Variants in XXYLT1 observed in about 807,000 individuals in gnomAD.
XXYLT1 encodes UDP-xylose:alpha-xyloside alpha-1,3-xylosyltransferase.
In XXYLT1, 20 loss-of-function variants were observed where a neutral mutation model predicts 28.9. The ratio of observed to expected loss-of-function variants is 0.69; its 90% CI spans 0.49 to 1.00. The LOEUF is 1.00. XXYLT1 is among the 50% of genes least tolerant of loss of function. The pLI is 0.00. For synonymous variants in XXYLT1, 257 were observed against 253.8 expected, an observed-to-expected ratio of 1.01 and a Z score of -0.12; for missense variants, 542 against 560.1, an observed-to-expected ratio of 0.97 and a Z score of 0.33.
intron 3 of XXYLT1, among the ~76,000 whole-genome samples, chr3:195,120,742 G>C (rs6767318): frequency 1.3e-5 from 2 of 152,200 alleles, no homozygotes; most frequent in South Asian, 4.1e-4. Context: ...CCGTGGCTCC[G>C]TCACTGAGCA....
rs1003033776 is a variant in XXYLT1 at position 195,124,096 on chromosome 3, T to G, written c.785+32353A>C. 4.6e-5 allele frequency among the ~76,000 whole-genome samples: 7 copies of G among 152,234 alleles called. No homozygotes were observed. The highest frequency in any genetic ancestry group is 1.7e-4 in the African/African-American group (7 of 41,450). ...AATGTACGTATTTCTCAAACTTACT[T>G]GATCATTACACCCTTTTCTTCCAGG... is the stretch of plus-strand genomic sequence containing the variant. On this transcript the variant is annotated intron_variant, in intron 3 of 3. Coordinates refer to ENST00000310380, the MANE Select transcript of XXYLT1 (RefSeq NM_152531.5). This position sits in a 1 kb window ranked among gnomAD's most constrained non-coding sequence, Gnocchi z 4.1.
At chr3:195,082,130 C>T (rs531049388) in intron 3 of XXYLT1, among the ~76,000 whole-genome samples, 2 of 152,218 alleles carry the variant, frequency 1.3e-5, no homozygotes, top group African/African-American at 4.8e-5. Flanking sequence ...CAAAGCCTCA[C>T]GATGGATCCA....
At position 195,209,374 on chromosome 3, in the gene XXYLT1, C is replaced by A. The variant is rs1723210244; in HGVS notation, c.652+17335G>T. 6.6e-6 allele frequency: 1 copy of A among 152,358 alleles called. No homozygotes were observed. 9.4% of individuals were successfully genotyped at this position (152,358 alleles called of 1,614,324 possible). On this transcript the variant is annotated intron_variant, in intron 2 of 3. Coordinates refer to ENST00000310380, the MANE Select transcript of XXYLT1 (RefSeq NM_152531.5). This position sits in a 1 kb window ranked among gnomAD's most constrained non-coding sequence, Gnocchi z 5.0. ...CTCCGCTGCTGCGTGCTCCTGTCCA[C>A]ACAGGGTGGGAATCCTCCTCACCCC...
chr3:195,220,370 C>G (rs1484881960), intron 2 of XXYLT1, among the ~76,000 whole-genome samples: 2 of 152,188 alleles, frequency 1.3e-5, no homozygotes, highest in African/African-American at 2.4e-5. Flanking sequence ...TATCGAACTC[C>G]TGACCTCAGA....
At chr3:195,268,287 C>T (rs764566227) in intron 1 of XXYLT1, among the ~76,000 whole-genome samples, 2 of 151,942 alleles carry the variant, frequency 1.3e-5, no homozygotes, top group African/African-American at 2.4e-5. Context: ...AAAAATTAGC[C>T]GGGCGTGGTG....
At chr3:195,260,355 G>A (rs894704161) in intron 1 of XXYLT1, among the ~76,000 whole-genome samples, 3 of 152,068 alleles carry the variant, frequency 2.0e-5, no homozygotes, top group Non-Finnish European at 4.4e-5. Context: ...CGTGCTGACC[G>A]CAGCCGCGGA....
intron 3 of XXYLT1, among the ~76,000 whole-genome samples, chr3:195,088,097 G>C (rs113441202): frequency 8.6e-5 from 13 of 151,968 alleles, no homozygotes; most frequent in African/African-American, 2.7e-4. Context: ...AGGTGGCAGC[G>C]AGGCTGGGGG....
At chr3:195,184,500 T>C (rs1368944027) in intron 2 of XXYLT1, 1 of 553,466 alleles carries the variant, frequency 1.8e-6, no homozygotes, top group Non-Finnish European at 2.3e-6. Flanking sequence ...CCAACTCACC[T>C]TGTTGGCTGA....
intron 1 of XXYLT1, among the ~76,000 whole-genome samples, chr3:195,266,785 C>T (rs1171486021): frequency 6.6e-6 from 1 of 152,166 alleles, no homozygotes; most frequent in Non-Finnish European, 1.5e-5. Flanking sequence ...TTCCAGGCCC[C>T]ACCCAGGAGA....
At position 195,256,631 on chromosome 3, in the gene XXYLT1, G is replaced by A. The variant is rs149239549; in HGVS notation, c.504+13924C>T. 1 of 942,214 alleles carries A rather than the reference G, an allele frequency of 1.1e-6. No individual in the cohort carries two copies. The highest frequency in any genetic ancestry group is 1.3e-6 in the Non-Finnish European group (1 of 790,496). 58.4% of individuals were successfully genotyped at this position (942,214 alleles called of 1,614,324 possible). ...ATGAGCTCTGTAAGCCCCCAGCACTGTTTATACACGCCTGGAAGAGAACAG... is the reference window on the plus strand; with the variant it reads ...ATGAGCTCTGTAAGCCCCCAGCACTATTTATACACGCCTGGAAGAGAACAG... On this transcript the variant is annotated intron_variant, in intron 1 of 3. Coordinates refer to ENST00000310380, the MANE Select transcript of XXYLT1 (RefSeq NM_152531.5). The surrounding 1 kb of genome is among the most constrained non-coding windows in gnomAD (Gnocchi z 4.2).
At chr3:195,231,785 T>C (rs1030920872) in intron 1 of XXYLT1, among the ~76,000 whole-genome samples, 3 of 151,826 alleles carry the variant, frequency 2.0e-5, no homozygotes, top group African/African-American at 7.3e-5. Flanking sequence ...CTGCTGACTT[T>C]GGTTTGTTAG....
chr3:195,267,692 T>C (rs1449094027), intron 1 of XXYLT1, among the ~76,000 whole-genome samples: 1 of 152,094 alleles, frequency 6.6e-6, no homozygotes, highest in Non-Finnish European at 1.5e-5. Context: ...AATACAACTG[T>C]GATAAATGTT....
intron 3 of XXYLT1, among the ~76,000 whole-genome samples, chr3:195,081,925 C>T (rs11915854): frequency 0.1 from 15,635 of 152,138 alleles, 1,347 homozygotes; most frequent in African/African-American, 0.23. Flanking sequence ...ATTAAATGGA[C>T]GAATCGGCCA....
At chr3:195,143,120 G>C (rs1180046087) in intron 3 of XXYLT1, among the ~76,000 whole-genome samples, 1 of 152,204 alleles carries the variant, frequency 6.6e-6, no homozygotes, top group Non-Finnish European at 1.5e-5. Flanking sequence ...GTTAGGTAGA[G>C]AAACATTTGA....
chr3:195,190,463 C>T (rs1218376321), intron 2 of XXYLT1, among the ~76,000 whole-genome samples: 1 of 137,408 alleles, frequency 7.3e-6, no homozygotes, highest in African/African-American at 2.7e-5. Flanking sequence ...TGCTGCACTC[C>T]AGCCTGGGTG....
Position 195,271,159 on chromosome 3 carries a change from T to G in XXYLT1, c.-101A>C. The G allele has an allele frequency of 8.1e-7, 1 of 1,236,690 alleles. No individual in the cohort carries two copies. Among genetic ancestry groups the G allele is most frequent in the Non-Finnish European group, 1.0e-6 (1 of 986,010 alleles). The allele number at this position is 1,236,690 out of a possible 1,614,324, so 76.6% of individuals were successfully genotyped here. A position where few individuals can be genotyped will look rare whatever the true frequency, so the allele number is the denominator to read the frequency against. ...TAGCCCCGGCGCCAGGCGGCGGCCA[T>G]GAAAGGGGCGGGGCCGCGCCGCCTG... is the stretch of plus-strand genomic sequence containing the variant. On this transcript the variant is annotated 5_prime_UTR_variant, in exon 1 of 4. It removes an upstream start codon present in the reference 5' UTR. Coordinates refer to ENST00000310380, the MANE Select transcript of XXYLT1 (RefSeq NM_152531.5).
At chr3:195,097,947 G>A (rs1716542607) in intron 3 of XXYLT1, among the ~76,000 whole-genome samples, 1 of 151,980 alleles carries the variant, frequency 6.6e-6, no homozygotes, top group Non-Finnish European at 1.5e-5. Context: ...TACTGTGGTG[G>A]TGAATAAGGA....
At chr3:195,183,634 G>C (rs1471980460) in intron 2 of XXYLT1, 1 of 152,160 alleles carries the variant, frequency 6.6e-6, no homozygotes, top group Admixed American at 6.5e-5. Flanking sequence ...CTGGTTCTAG[G>C]AATCCAAAAA....
At position 195,157,998 on chromosome 3, in the gene XXYLT1, T is replaced by C. The variant is rs539077294; in HGVS notation, c.653-1417A>G. ...TCCTAGAGACCTTGAGGAACAGAATTCTGGAGCACAGCACCACACTGGCCA... is the reference window on the plus strand; with the variant it reads ...TCCTAGAGACCTTGAGGAACAGAATCCTGGAGCACAGCACCACACTGGCCA... On this transcript the variant is annotated intron_variant, in intron 2 of 3. Transcript: ENST00000310380. Among the ~76,000 whole-genome samples the C allele has an allele frequency of 5.0e-4, 76 of 152,270 alleles. 2 individuals are homozygous for C. Among genetic ancestry groups the C allele is most frequent in the Admixed American group, 5.2e-4 (8 of 15,300 alleles).
Sources: allele counts gnomAD v4.1 joint callset (sites outside exome capture counted in the v4.1 genomes callset), GRCh38; gene constraint gnomAD v4.1.1; non-coding constraint Gnocchi (gnomAD v3.1); transcripts MANE v1.5; gene names NCBI Gene and HGNC (gene_info 2026-07-23, HGNC 2026-07-21).